Variants in KLHL25 observed in about 807,000 individuals in gnomAD.
The protein encoded by KLHL25 is kelch like family member 25.
Under a neutral mutation model 30.0 loss-of-function variants are expected in KLHL25, and 41 were observed. The observed-to-expected ratio is 1.37, with a 90% CI of 1.07 to 1.78. The LOEUF (loss-of-function observed/expected upper bound fraction) is 1.78. Among genes scored for constraint, KLHL25 ranks in the 40% most tolerant of loss-of-function variants. The pLI, the probability that KLHL25 is intolerant of heterozygous loss-of-function variation, is 0.00. For synonymous variants in KLHL25, 399 were observed against 355.3 expected, an observed-to-expected ratio of 1.12 and a Z score of -1.38; for missense variants, 971 against 824.5, an observed-to-expected ratio of 1.18 and a Z score of -2.18.
chr15:85,794,802 A>G lies in KLHL25; in HGVS notation c.-47T>C. ...ATCCCCGCCGCCGCCGCCGCCTCAG[A>G]GACCACTCCCGGCAGCCCGCGCGAG... On this transcript the variant is annotated 5_prime_UTR_variant, in exon 1 of 3. Transcript: ENST00000337975. 1 of 152,874 alleles carries G rather than the reference A, an allele frequency of 6.5e-6. No homozygotes were observed. Among genetic ancestry groups the G allele is most frequent in the Non-Finnish European group, 1.5e-5 (1 of 68,326 alleles). 9.5% of individuals were successfully genotyped at this position (152,874 alleles called of 1,614,324 possible). A position where few individuals can be genotyped will look rare whatever the true frequency, so the allele number is the denominator to read the frequency against.
At chr15:85,773,755 G>A (rs1273791109) in intron 1 of KLHL25, among the ~76,000 whole-genome samples, 1 of 152,202 alleles carries the variant, frequency 6.6e-6, no homozygotes, top group Non-Finnish European at 1.5e-5. Flanking sequence ...GACCAGGGCT[G>A]GGAGTGGGAA....
At chr15:85,777,180 C>A (rs1037582445) in intron 1 of KLHL25, among the ~76,000 whole-genome samples, 1 of 152,214 alleles carries the variant, frequency 6.6e-6, no homozygotes, top group Non-Finnish European at 1.5e-5. Flanking sequence ...CTGCTTCAGA[C>A]AATGCTTGGT....
intron 1 of KLHL25, among the ~76,000 whole-genome samples, chr15:85,775,025 C>T (rs1220807583): frequency 3.3e-5 from 5 of 151,892 alleles, no homozygotes; most frequent in African/African-American, 7.3e-5. Context: ...TACAGGCGCC[C>T]GCCACCACAC....
chr15:85,777,513 C>T (rs1392629757), intron 1 of KLHL25, among the ~76,000 whole-genome samples: 2 of 152,240 alleles, frequency 1.3e-5, no homozygotes, highest in Non-Finnish European at 2.9e-5. Flanking sequence ...TCCCGACAGA[C>T]CCAGAGGGCC....
intron 1 of KLHL25, among the ~76,000 whole-genome samples, chr15:85,776,478 C>A (rs937142587): frequency 2.0e-5 from 3 of 151,592 alleles, no homozygotes; most frequent in African/African-American, 7.3e-5. Flanking sequence ...GACAGAGAGG[C>A]TCCGTCTCAA....
chr15:85,775,864 T>TA (rs10535328), intron 1 of KLHL25, among the ~76,000 whole-genome samples: 162 of 89,030 alleles, frequency 1.8e-3, no homozygotes, highest in African/African-American at 2.8e-3. Flanking sequence ...ATGGCTCGTT[T>TA]AAAAAAAAAA....
At chr15:85,792,207 G>A (rs2089822115) in intron 1 of KLHL25, among the ~76,000 whole-genome samples, 1 of 152,136 alleles carries the variant, frequency 6.6e-6, no homozygotes, top group Admixed American at 6.5e-5. Flanking sequence ...GGGATGCTGT[G>A]ACTGAAAGCT....
intron 1 of KLHL25, among the ~76,000 whole-genome samples, chr15:85,790,723 C>CA (rs1452785327): frequency 2.0e-5 from 3 of 152,016 alleles, no homozygotes; most frequent in Non-Finnish European, 2.9e-5. Context: ...TGGCCTCGGG[C>CA]CTTGGTCACG....
intron 1 of KLHL25, among the ~76,000 whole-genome samples, chr15:85,791,988 C>A (rs1240879917): frequency 6.6e-6 from 1 of 152,182 alleles, no homozygotes; most frequent in Non-Finnish European, 1.5e-5. Flanking sequence ...CCACCTAATC[C>A]CACAGCACCC....
At position 85,769,258 on chromosome 15, in the gene KLHL25, A is replaced by T. The variant is rs1464963437; in HGVS notation, c.553T>A (p.Phe185Ile). ...AGTGTGTCCTTGGACAGGCTGTTGA[A>T]GTCCTCGCTCTGCCTCACCGTCTCA... The part of the protein sequence containing the change: ...HFETVRQSED[F>I]NSLSKDTLLD... The change falls in exon 2 of 3, where the codon TTC becomes ATC. Residue 185 changes from phenylalanine to isoleucine, a missense_variant. Transcript: ENST00000337975. 6.2e-7 allele frequency: 1 copy of T among 1,613,880 alleles called. No individual in the cohort carries two copies. The highest frequency in any genetic ancestry group is 8.5e-7 in the Non-Finnish European group (1 of 1,180,024).
chr15:85,776,080 T>C (rs546367317), intron 1 of KLHL25, among the ~76,000 whole-genome samples: 23 of 148,618 alleles, frequency 1.5e-4, no homozygotes, highest in African/African-American at 4.7e-4. Context: ...GGTTATAGCA[T>C]GAGAACTGCT....
intron 1 of KLHL25, among the ~76,000 whole-genome samples, chr15:85,788,220 C>T (rs769287166): frequency 3.9e-5 from 6 of 152,172 alleles, no homozygotes; most frequent in Non-Finnish European, 7.3e-5. Flanking sequence ...TGTCTCTGTC[C>T]GCAGCCCACG....
chr15:85,791,905 T>G (rs974060980), intron 1 of KLHL25, among the ~76,000 whole-genome samples: 2 of 152,178 alleles, frequency 1.3e-5, no homozygotes, highest in Admixed American at 6.5e-5. Context: ...CCAAAGCCCA[T>G]GCTCTTTCCA....
intron 2 of KLHL25, among the ~76,000 whole-genome samples, chr15:85,767,375 T>C (rs946201290): frequency 2.0e-5 from 3 of 151,720 alleles, no homozygotes; most frequent in African/African-American, 7.3e-5. Flanking sequence ...GCTGGGATTA[T>C]AGGCATGAGC....
intron 2 of KLHL25, among the ~76,000 whole-genome samples, chr15:85,766,069 T>C (rs1399451664): frequency 6.6e-6 from 1 of 152,156 alleles, no homozygotes; most frequent in Non-Finnish European, 1.5e-5. Flanking sequence ...ATGACTGCCT[T>C]CACTGGGTAG....
At chr15:85,794,632 G>T (rs1283142633) in intron 1 of KLHL25, 134 bp downstream of exon 1, 1 of 152,016 alleles carries the variant, frequency 6.6e-6, no homozygotes, top group African/African-American at 2.4e-5. Flanking sequence ...GCCCCCTCCC[G>T]GGACACGTAG....
intron 1 of KLHL25, among the ~76,000 whole-genome samples, chr15:85,780,037 G>T (rs2089733678): frequency 6.6e-6 from 1 of 152,188 alleles, no homozygotes; most frequent in African/African-American, 2.4e-5. Context: ...GCAACGAAGA[G>T]GCTTCTTTCA....
intron 2 of KLHL25, among the ~76,000 whole-genome samples, chr15:85,766,743 G>A (rs1187712983): frequency 6.6e-6 from 1 of 152,196 alleles, no homozygotes; most frequent in African/African-American, 2.4e-5. Context: ...GCAACCCACA[G>A]ACACTCGCTC....
Position 85,769,372 on chromosome 15 carries a change from A to AG in KLHL25, c.438dup (p.Ser147LeufsTer20), listed in dbSNP as rs1567238941. 6.8e-6 allele frequency: 11 copies of AG among 1,614,068 alleles called. No individual in the cohort carries two copies. Among genetic ancestry groups the AG allele is most frequent in the Non-Finnish European group, 9.3e-6 (11 of 1,180,014 alleles). ...AGCAGCATCATGCCCAGGCAGTTGG[A>AG]GGGGAAAAGGTTCTTCTCCAGGAAC... is the stretch of plus-strand genomic sequence containing the variant. On this transcript the variant is annotated frameshift_variant, in exon 2 of 3. Transcript: ENST00000337975. LOFTEE classifies it high-confidence loss of function.
Sources: allele counts gnomAD v4.1 joint callset (sites outside exome capture counted in the v4.1 genomes callset), GRCh38; gene constraint gnomAD v4.1.1; transcripts MANE v1.5; gene names NCBI Gene and HGNC (gene_info 2026-07-23, HGNC 2026-07-21).